Variants in TM9SF4 observed in about 807,000 individuals in gnomAD.
The protein encoded by TM9SF4 is dinucleotide oxidase disulfide thiol exchanger 3 superfamily member 4.
In TM9SF4, 26 loss-of-function variants were observed where a neutral mutation model predicts 90.4. The observed-to-expected ratio is 0.29, with a 90% CI of 0.21 to 0.40. TM9SF4 has a LOEUF of 0.40. Ranked by LOEUF, TM9SF4 falls within the 10% of genes least tolerant of loss-of-function variation. The probability of loss-of-function intolerance (pLI) is 1.00; values close to 1 mark genes in which losing one functional copy is unlikely to be tolerated. For synonymous variants in TM9SF4, 293 were observed against 315.4 expected, an observed-to-expected ratio of 0.93 and a Z score of 0.75; for missense variants, 549 against 834.8, an observed-to-expected ratio of 0.66 and a Z score of 4.22.
At chr20:32,137,715 A>G (rs2046614181) in intron 3 of TM9SF4, among the ~76,000 whole-genome samples, 1 of 152,202 alleles carries the variant, frequency 6.6e-6, no homozygotes, top group Non-Finnish European at 1.5e-5. Flanking sequence ...TAAGCCATTT[A>G]CATCATCATC....
intron 6 of TM9SF4, 36 bp from the exon 7 acceptor site, chr20:32,145,055 C>T (rs377145093): frequency 1.0e-5 from 16 of 1,603,478 alleles, no homozygotes; most frequent in Non-Finnish European, 1.4e-5. Flanking sequence ...TGGCACTGGC[C>T]ACCACAGGAA....
chr20:32,153,563 A>G (rs547955483), intron 12 of TM9SF4, among the ~76,000 whole-genome samples: 18 of 152,312 alleles, frequency 1.2e-4, no homozygotes, highest in African/African-American at 4.1e-4. Context: ...AGCCTGGGCA[A>G]CACAGTGAGA....
At chr20:32,109,790 G>A (rs1255940825) in intron 1 of TM9SF4, 35 bp downstream of exon 1, 1 of 1,551,530 alleles carries the variant, frequency 6.4e-7, no homozygotes, top group Non-Finnish European at 8.7e-7. Context: ...GGGAGCTGGA[G>A]CGGGGCCCTC....
At chr20:32,125,642 C>T (rs909185880) in intron 1 of TM9SF4, among the ~76,000 whole-genome samples, 3 of 151,320 alleles carry the variant, frequency 2.0e-5, no homozygotes, top group African/African-American at 7.3e-5. Context: ...TGCTTCTCTT[C>T]ACATTTGACC....
intron 17 of TM9SF4, 124 bp downstream of exon 17, chr20:32,161,489 G>A (rs1387975128): frequency 5.0e-6 from 4 of 804,080 alleles, no homozygotes; most frequent in African/African-American, 1.7e-5. Context: ...GAGGACCAAA[G>A]CCACCTAGAA....
At chr20:32,151,828 T>C (rs549928919) in intron 12 of TM9SF4, among the ~76,000 whole-genome samples, 1 of 151,418 alleles carries the variant, frequency 6.6e-6, no homozygotes, top group East Asian at 2.0e-4. Context: ...ATTACAGGCA[T>C]GTGCCACCAT....
intron 17 of TM9SF4, among the ~76,000 whole-genome samples, chr20:32,163,245 CAAAAAAA>C (rs67827616): frequency 0.047 from 1,917 of 40,444 alleles, 73 homozygotes; most frequent in Middle Eastern, 0.15. Flanking sequence ...GACTCCATCT[CAAAAAAA>C]AAAAAAAAAA....
intron 5 of TM9SF4, among the ~76,000 whole-genome samples, chr20:32,142,286 G>T (rs1425823069): frequency 2.6e-5 from 4 of 152,178 alleles, no homozygotes. Flanking sequence ...AATGTATGCA[G>T]CAGCAGTGGC....
At position 32,166,990 on chromosome 20, in the gene TM9SF4, G is replaced by A. The variant is rs891227911; in HGVS notation, c.*1546G>A. ...CCTCACAGTGACTGCAGCGCCAAGC[G>A]GCATCCACCAAGCATCAAGTTGGAG... On this transcript the variant is annotated 3_prime_UTR_variant, in exon 18 of 18. Coordinates refer to ENST00000398022, the MANE Select transcript of TM9SF4 (RefSeq NM_014742.4). 3 of 152,030 alleles carry A rather than the reference G, an allele frequency of 2.0e-5. No homozygotes were observed. The highest frequency in any genetic ancestry group is 6.6e-5 in the Admixed American group (1 of 15,258). 9.4% of individuals were successfully genotyped at this position (152,030 alleles called of 1,614,324 possible). A position where few individuals can be genotyped will look rare whatever the true frequency, so the allele number is the denominator to read the frequency against.
Position 32,166,633 on chromosome 20 carries a change from A to G in TM9SF4, c.*1189A>G, listed in dbSNP as rs571488552. 131 of 152,308 alleles carry G rather than the reference A, an allele frequency of 8.6e-4. No individual in the cohort carries two copies. The highest frequency in any genetic ancestry group is 3.0e-3 in the African/African-American group (126 of 41,526). The allele number at this position is 152,308 out of a possible 1,614,324, so 9.4% of individuals were successfully genotyped here. ...GGTAAGTTCTGTCGTTCTTTCCCCA[A>G]TCCCCAGGAATGGACAAGAAGCCAA... On this transcript the variant is annotated 3_prime_UTR_variant, in exon 18 of 18. Coordinates refer to ENST00000398022, the MANE Select transcript of TM9SF4 (RefSeq NM_014742.4).
At position 32,156,942 on chromosome 20, in the gene TM9SF4, C is replaced by CTTTTTTTTTTTTTTTTTTT. The variant is rs71185385; in HGVS notation, c.1330-837_1330-836insTTTTTTTTTTTTTTTTTTT. ...TATTTTTTTTTTTCCTGGACATTTTCTTTTTTTTTTTTTTTGAGACGAAGT... is the reference window on the plus strand; with the variant it reads ...TATTTTTTTTTTTCCTGGACATTTTCTTTTTTTTTTTTTTTTTTTTTTTTTTTTTTTTTTGAGACGAAGT... On this transcript the variant is annotated intron_variant, in intron 13 of 17. Transcript: ENST00000398022. 1.4e-4 allele frequency among the ~76,000 whole-genome samples: 15 copies of CTTTTTTTTTTTTTTTTTTT among 103,502 alleles called. 1 individual carries two copies. The highest frequency in any genetic ancestry group is 6.0e-4 in the African/African-American group (13 of 21,556). The allele number at this position is 103,502 out of a possible 152,430, so 67.9% of individuals were successfully genotyped here. A position where few individuals can be genotyped will look rare whatever the true frequency, so the allele number is the denominator to read the frequency against.
chr20:32,154,276 G>A (rs978082116), intron 12 of TM9SF4, among the ~76,000 whole-genome samples: 18 of 151,718 alleles, frequency 1.2e-4, no homozygotes, highest in Non-Finnish European at 1.9e-4. Context: ...AGCCTCCCAA[G>A]TAGCTGGGAC....
chr20:32,124,123 G>T (rs755853699), intron 1 of TM9SF4, among the ~76,000 whole-genome samples: 117 of 152,198 alleles, frequency 7.7e-4, no homozygotes, highest in Non-Finnish European at 1.4e-3. Context: ...CTGCCGAAGT[G>T]CTGGGATTGC....
intron 1 of TM9SF4, among the ~76,000 whole-genome samples, chr20:32,121,209 C>CTTTTTT (rs200664375): frequency 7.2e-6 from 1 of 138,274 alleles, no homozygotes; most frequent in Non-Finnish European, 1.5e-5. Flanking sequence ...TTTTATTTTT[C>CTTTTTT]TTTTTTTTTT....
rs781542082 is a variant in TM9SF4, at chr20:32,149,678, C to T, written c.999C>T (p.Asp333=). 12 of 1,614,072 alleles carry T rather than the reference C, an allele frequency of 7.4e-6. No individual in the cohort carries two copies. In the African/African-American group the frequency reaches 9.3e-5, roughly 13 times the overall value. ...EESGWKLVHG[D]VFRPPQYPMI... ...CTGGGTGGAAGTTGGTGCACGGCGA[C>T]GTCTTCAGGCCCCCCCAGTACCCCA... The change falls in exon 10 of 18, where the codon GAC becomes GAT. Residue 333 remains aspartate (D), a synonymous_variant. Transcript: ENST00000398022.
In TM9SF4 at chr20:32,158,486, T is replaced by C. The variant is rs770033460; in HGVS notation, c.1541T>C (p.Met514Thr). The change falls in exon 15 of 18, where the codon ATG (methionine) becomes ACG (threonine). Residue 514 changes from methionine (M) to threonine (T), a missense_variant. This residue lies in a region of TM9SF4 where 495 missense variants were observed against 711.7 expected (regional missense o/e 0.70). Transcript: ENST00000398022. Reference sequence around the variant, plus strand: ...GCTGGGATCTTGCCCTTCGGCGCCATGTTCATCGAGCTCTTCTTCATCTTC... The same window carrying C: ...GCTGGGATCTTGCCCTTCGGCGCCACGTTCATCGAGCTCTTCTTCATCTTC... ...LMAGILPFGA[M>T]FIELFFIFSA... 2 of 1,614,192 alleles carry C rather than the reference T, an allele frequency of 1.2e-6. No individual in the cohort carries two copies. The highest frequency in any genetic ancestry group is 2.2e-5 in the South Asian group (2 of 91,086).
At position 32,165,490 on chromosome 20, in the gene TM9SF4, C is replaced by T. The variant is rs1421298418; in HGVS notation, c.*46C>T. The T allele has an allele frequency of 6.2e-7, 1 of 1,605,516 alleles. No individual in the cohort carries two copies. The highest frequency in any genetic ancestry group is 8.5e-7 in the Non-Finnish European group (1 of 1,172,906). On this transcript the variant is annotated 3_prime_UTR_variant, in exon 18 of 18. Coordinates refer to ENST00000398022, the MANE Select transcript of TM9SF4 (RefSeq NM_014742.4). Reference sequence around the variant, plus strand: ...GCTTGCTCCGTCCTCGGACAGGAAGCCACCCTGCGTGGGGGACTGCAGGCA... The same window carrying T: ...GCTTGCTCCGTCCTCGGACAGGAAGTCACCCTGCGTGGGGGACTGCAGGCA...
At chr20:32,163,344 G>C (rs2047054962) in intron 17 of TM9SF4, among the ~76,000 whole-genome samples, 1 of 143,588 alleles carries the variant, frequency 7.0e-6, no homozygotes, top group Non-Finnish European at 1.5e-5. Flanking sequence ...CTGTGCCCAC[G>C]CCTTAGCCCT....
At chr20:32,151,806 C>T (rs926463961) in intron 12 of TM9SF4, among the ~76,000 whole-genome samples, 1 of 151,892 alleles carries the variant, frequency 6.6e-6, no homozygotes. Context: ...CTCAGCCTCC[C>T]GAGTAGCTGG....
Sources: gnomAD v4.1 joint callset for allele counts (sites outside exome capture counted in the v4.1 genomes callset) on GRCh38, gnomAD v4.1.1 for gene constraint, gnomAD v4.1.1 regional missense constraint, MANE v1.5 for transcripts, NCBI Gene and HGNC (gene_info 2026-07-23, HGNC 2026-07-21) for gene names.